Variants in CDH12 observed in about 807,000 individuals in gnomAD.
CDH12 encodes cadherin 12, also known as cadherin-12.
In CDH12, 41 loss-of-function variants were observed where a neutral mutation model predicts 74.1. The ratio of observed to expected loss-of-function variants is 0.55; its 90% CI spans 0.43 to 0.72. CDH12 has a LOEUF of 0.72. CDH12 is among the 30% of genes least tolerant of loss of function. CDH12 has a pLI of 0.00. For missense variants in CDH12, 945 were observed against 977.2 expected (o/e 0.97, Z 0.44); for synonymous variants, 399 against 355.0 (o/e 1.12, Z -1.39).
chr5:22,549,096 T>A (rs1009696181), intron 1 of CDH12, among the ~76,000 whole-genome samples: 1 of 151,384 alleles, frequency 6.6e-6, no homozygotes. Context: ...TGTATCACCA[T>A]CCCTGGCCTA....
intron 10 of CDH12, among the ~76,000 whole-genome samples, chr5:21,791,848 A>G (rs964032301): frequency 2.0e-5 from 3 of 151,878 alleles, no homozygotes; most frequent in Non-Finnish European, 4.4e-5. Flanking sequence ...CATTTCCCTT[A>G]AAATTGTACT....
At chr5:22,106,274 T>C (rs1412208230) in intron 4 of CDH12, among the ~76,000 whole-genome samples, 2 of 152,168 alleles carry the variant, frequency 1.3e-5, no homozygotes, top group Non-Finnish European at 2.9e-5. Flanking sequence ...TCCCCAAACA[T>C]AAAAGTTAAA....
chr5:21,789,670 T>G (rs2149905719), intron 10 of CDH12, among the ~76,000 whole-genome samples: 1 of 152,292 alleles, frequency 6.6e-6, no homozygotes, highest in East Asian at 1.9e-4. Context: ...TGCATGATAT[T>G]TTTCAAAGCT....
In CDH12 at chr5:21,880,526, C is replaced by T. The variant is rs1457074115; in HGVS notation, c.527-25736G>A. On this transcript the variant is annotated intron_variant, in intron 6 of 14. Transcript: ENST00000382254. ...TCCTCCCTCCCTCCCTCTTTTCTTT[C>T]TTCCTTCTTTTCCTTCCTTCCTTCC... Among the ~76,000 whole-genome samples, 19 of 133,172 alleles carry T rather than the reference C, an allele frequency of 1.4e-4. 2 individuals are homozygous for T. The highest frequency in any genetic ancestry group is 5.2e-4 in the African/African-American group (19 of 36,288). 87.4% of individuals were successfully genotyped at this position (133,172 alleles called of 152,430 possible). A position where few individuals can be genotyped will look rare whatever the true frequency, so the allele number is the denominator to read the frequency against.
chr5:22,565,152 T>A (rs1188786020), intron 1 of CDH12, among the ~76,000 whole-genome samples: 1 of 152,120 alleles, frequency 6.6e-6, no homozygotes, highest in Non-Finnish European at 1.5e-5. Flanking sequence ...GCCAAGATGG[T>A]CTAGATTTCT....
chr5:22,667,636 TATAA>T (rs1380734330), intron 1 of CDH12, among the ~76,000 whole-genome samples: 6 of 152,204 alleles, frequency 3.9e-5, no homozygotes, highest in Non-Finnish European at 7.3e-5. Context: ...ATTAGGTGGT[TATAA>T]ATAGTTACCT....
intron 10 of CDH12, among the ~76,000 whole-genome samples, chr5:21,790,753 T>C (rs1211875656): frequency 1.3e-5 from 2 of 152,016 alleles, no homozygotes; most frequent in Admixed American, 6.6e-5. Flanking sequence ...CTCCCTCTCC[T>C]TTCATACTAT....
chr5:22,296,134 T>C (rs1160552291), intron 3 of CDH12, among the ~76,000 whole-genome samples: 3 of 151,944 alleles, frequency 2.0e-5, no homozygotes, highest in Non-Finnish European at 2.9e-5. Context: ...GGTATATCTT[T>C]ATAAAAATGT....
rs918610859 is a variant in CDH12, at chr5:22,595,007, T to A, written c.-522-89643A>T. Among the ~76,000 whole-genome samples, 3 of 152,170 alleles carry A rather than the reference T, an allele frequency of 2.0e-5. No homozygotes were observed. In the East Asian group the frequency reaches 5.8e-4, roughly 29 times the overall value. On this transcript the variant is annotated intron_variant, in intron 1 of 14. Transcript: ENST00000382254. ...AAACATTAAATAATTATTTCCACCA[T>A]CTTTTACACAAACAGCTTTGTTCTC...
At chr5:22,536,450 G>A (rs571895358) in intron 1 of CDH12, among the ~76,000 whole-genome samples, 6 of 152,276 alleles carry the variant, frequency 3.9e-5, no homozygotes, top group African/African-American at 9.6e-5. Context: ...GATAGTGGTA[G>A]TGGTGGTGTT....
intron 6 of CDH12, chr5:21,884,149 A>G (rs1752507555): frequency 3.9e-6 from 6 of 1,549,874 alleles, no homozygotes; most frequent in Non-Finnish European, 5.4e-6. Flanking sequence ...GGAATTATTG[A>G]CCCAACAAAG....
intron 4 of CDH12, among the ~76,000 whole-genome samples, chr5:22,174,577 T>C (rs1216443065): frequency 1.3e-5 from 2 of 151,890 alleles, no homozygotes; most frequent in Non-Finnish European, 1.5e-5. Flanking sequence ...TAGCTTTAGG[T>C]AAGAAATGGA....
At chr5:22,536,362 G>A (rs1737841080) in intron 1 of CDH12, among the ~76,000 whole-genome samples, 2 of 152,192 alleles carry the variant, frequency 1.3e-5, no homozygotes, top group South Asian at 4.1e-4. Context: ...AAAGAATGAT[G>A]AAAATGTAGC....
chr5:22,116,288 T>C (rs1025372422), intron 4 of CDH12, among the ~76,000 whole-genome samples: 10 of 152,040 alleles, frequency 6.6e-5, no homozygotes, highest in African/African-American at 2.4e-4. Context: ...GGGCCATGTG[T>C]CAAGGAAATG....
At chr5:22,350,658 G>A (rs911755459) in intron 3 of CDH12, among the ~76,000 whole-genome samples, 2 of 152,104 alleles carry the variant, frequency 1.3e-5, no homozygotes, top group Non-Finnish European at 2.9e-5. Flanking sequence ...ATATTGCATG[G>A]TAGATATTAT....
chr5:21,854,841 G>C, intron 6 of CDH12, 51 bp from the exon 7 acceptor site: 3 of 1,556,126 alleles, frequency 1.9e-6, no homozygotes, highest in Non-Finnish European at 2.6e-6. Flanking sequence ...CTACTTTCAA[G>C]GTCATGACTC....
intron 6 of CDH12, among the ~76,000 whole-genome samples, chr5:21,867,070 C>G (rs1751365767): frequency 6.6e-6 from 1 of 152,106 alleles, no homozygotes; most frequent in Admixed American, 6.6e-5. Flanking sequence ...AGAATTGAGG[C>G]TTGGGCCAGC....
At chr5:22,569,967 C>G (rs921421273) in intron 1 of CDH12, among the ~76,000 whole-genome samples, 1 of 152,174 alleles carries the variant, frequency 6.6e-6, no homozygotes, top group Non-Finnish European at 1.5e-5. Flanking sequence ...TTTTCAATTA[C>G]TATGCTGAGA....
At chr5:22,313,891 C>G (rs898544043) in intron 3 of CDH12, among the ~76,000 whole-genome samples, 1 of 152,038 alleles carries the variant, frequency 6.6e-6, no homozygotes, top group African/African-American at 2.4e-5. Context: ...GTGACAGGTA[C>G]ACTATAATCT....
Sources: gnomAD v4.1 joint callset for allele counts (sites outside exome capture counted in the v4.1 genomes callset) on GRCh38, gnomAD v4.1.1 for gene constraint, MANE v1.5 for transcripts, NCBI Gene and HGNC (gene_info 2026-07-23, HGNC 2026-07-21) for gene names.